The following SEMA3C variants were observed in gnomAD, a reference collection of about 807,000 sequenced individuals.
The protein encoded by SEMA3C is semaphorin-3C.
A neutral mutation model predicts 89.4 loss-of-function variants in SEMA3C; 47 were observed. The observed-to-expected ratio is 0.53, with a 90% CI of 0.42 to 0.67. SEMA3C has a LOEUF of 0.67. Among genes scored for constraint, SEMA3C ranks in the 30% least tolerant of loss-of-function variants. The probability of loss-of-function intolerance (pLI) is 0.00; values close to 1 mark genes in which losing one functional copy is unlikely to be tolerated. For synonymous variants in SEMA3C, 310 were observed against 320.2 expected, an observed-to-expected ratio of 0.97 and a Z score of 0.34; for missense variants, 839 against 929.1, an observed-to-expected ratio of 0.90 and a Z score of 1.26.
In SEMA3C at chr7:80,744,636, A is replaced by C; in HGVS notation, c.*258T>G. 2.1e-6 allele frequency: 1 copy of C among 478,466 alleles called. No homozygotes were observed. The highest frequency in any genetic ancestry group is 4.0e-5 in the East Asian group (1 of 24,962). 29.6% of individuals were successfully genotyped at this position (478,466 alleles called of 1,614,324 possible). A position where few individuals can be genotyped will look rare whatever the true frequency, so the allele number is the denominator to read the frequency against. ...CAGCCACCATATCGATTTTGAAGAA[A>C]AGGTGAATAAAGATATAAATAAAAT... On this transcript the variant is annotated 3_prime_UTR_variant, in exon 18 of 18. Transcript: ENST00000265361.
rs1787768814 is a variant in SEMA3C at position 80,745,064 on chromosome 7, C to T, written c.2086G>A (p.Ala696Thr). ...LPFHPKDIMG[A>T]FSHSEMQMIN... ...ATCTGCATTTCTGAGTGGCTGAATGCCCCCATGATGTCCTTCGGGTGGAAG... is the reference window on the plus strand; with the variant it reads ...ATCTGCATTTCTGAGTGGCTGAATGTCCCCATGATGTCCTTCGGGTGGAAG... The change falls in exon 18 of 18, where the codon GCA (alanine) becomes ACA (threonine). Residue 696 changes from alanine (A) to threonine (T), a missense_variant. Coordinates refer to ENST00000265361, the MANE Select transcript of SEMA3C (RefSeq NM_006379.5). 1 of 1,614,074 alleles carries T rather than the reference C, an allele frequency of 6.2e-7. No homozygotes were observed. The highest frequency in any genetic ancestry group is 8.5e-7 in the Non-Finnish European group (1 of 1,179,990).
chr7:80,818,417 T>C lies in SEMA3C; in HGVS notation c.329A>G (p.His110Arg). 2 of 1,612,744 alleles carry C rather than the reference T, an allele frequency of 1.2e-6. No individual in the cohort carries two copies. The highest frequency in any genetic ancestry group is 1.7e-6 in the Non-Finnish European group (2 of 1,178,982). The change falls in exon 5 of 18, where the codon CAC becomes CGC. Residue 110 changes from histidine (H) to arginine (R), a missense_variant and splice_region_variant. By Grantham distance (29) the His-to-Arg change is conservative (BLOSUM62 0). Coordinates refer to ENST00000265361, the MANE Select transcript of SEMA3C (RefSeq NM_006379.5). ...ECKMAGKDPTHGCGNFVRVIQ... is the reference protein window; with the variant it reads ...ECKMAGKDPTRGCGNFVRVIQ... ...TACACGGACAAAGTTCCCACAGCCG[T>C]GCTAAAAGAATCAGTAAATAAGCAG...
At chr7:80,863,816 T>TATGTATGTGATATGTG in intron 2 of SEMA3C, among the ~76,000 whole-genome samples, 1 of 119,316 alleles carries the variant, frequency 8.4e-6, no homozygotes, top group East Asian at 2.7e-4. Flanking sequence ...ATGTGATACA[T>TATGTATGTGATATGTG]ATATATGTGA....
rs1362943919 is a variant in SEMA3C at position 80,775,572 on chromosome 7, TAA to T, written c.1355-10331_1355-10330del. 7.9e-5 allele frequency among the ~76,000 whole-genome samples: 12 copies of T among 152,250 alleles called. No individual in the cohort carries two copies. The South Asian group carries it at 8.3e-4, about 11-fold the overall frequency. On this transcript the variant is annotated intron_variant, in intron 12 of 17. Coordinates refer to ENST00000265361, the MANE Select transcript of SEMA3C (RefSeq NM_006379.5). ...CTTTTATCTACAAATCTAAAAATCT[TAA>T]GTTTGTTTTCTTTTTTCTTAAATTT... is the stretch of plus-strand genomic sequence containing the variant.
chr7:80,752,785 C>A (rs1461915690), intron 15 of SEMA3C, among the ~76,000 whole-genome samples: 3 of 152,060 alleles, frequency 2.0e-5, no homozygotes, highest in Non-Finnish European at 4.4e-5. Flanking sequence ...ATCCTCTGAG[C>A]ATCACACATT....
intron 10 of SEMA3C, among the ~76,000 whole-genome samples, chr7:80,799,995 T>C (rs1233567518): frequency 6.7e-6 from 1 of 149,724 alleles, no homozygotes; most frequent in African/African-American, 2.5e-5. Context: ...CTACTAAAAA[T>C]ACAAAAAATT....
intron 2 of SEMA3C, among the ~76,000 whole-genome samples, chr7:80,861,380 G>A (rs1446206040): frequency 6.6e-6 from 1 of 152,042 alleles, no homozygotes; most frequent in Non-Finnish European, 1.5e-5. Context: ...TTAATAGCAT[G>A]ATATTACATA....
intron 2 of SEMA3C, among the ~76,000 whole-genome samples, chr7:80,857,045 T>C (rs1342759155): frequency 6.6e-5 from 10 of 152,200 alleles, no homozygotes; most frequent in Admixed American, 5.2e-4. Flanking sequence ...GACTGCATAA[T>C]GGGAGGACCA....
intron 6 of SEMA3C, among the ~76,000 whole-genome samples, chr7:80,806,775 T>C (rs1053988083): frequency 2.0e-5 from 3 of 152,182 alleles, no homozygotes; most frequent in Admixed American, 6.6e-5. Context: ...GCTGCGTTCC[T>C]TGACTGTTGT....
intron 16 of SEMA3C, among the ~76,000 whole-genome samples, chr7:80,749,730 G>C (rs890659152): frequency 6.6e-6 from 1 of 152,140 alleles, no homozygotes; most frequent in Non-Finnish European, 1.5e-5. Context: ...AAAACATGTA[G>C]TATTGCCAGG....
intron 6 of SEMA3C, among the ~76,000 whole-genome samples, chr7:80,805,968 T>C (rs1159708070): frequency 1.3e-5 from 2 of 152,036 alleles, no homozygotes; most frequent in African/African-American, 4.8e-5. Context: ...AATTACTATG[T>C]TTTTTAAAAA....
intron 12 of SEMA3C, among the ~76,000 whole-genome samples, chr7:80,772,629 A>G (rs1322654346): frequency 6.6e-6 from 1 of 151,986 alleles, no homozygotes; most frequent in Non-Finnish European, 1.5e-5. Context: ...TCTTCCCAAG[A>G]GTGTTGATGC....
chr7:80,749,268 A>G lies in SEMA3C; in HGVS notation c.1712-240T>C, dbSNP rs551799189. Among the ~76,000 whole-genome samples, 27 of 152,298 alleles carry G rather than the reference A, an allele frequency of 1.8e-4. 1 individual carries two copies. In the South Asian group the frequency reaches 5.2e-3, roughly 29 times the overall value. On this transcript the variant is annotated intron_variant, in intron 16 of 17. Transcript: ENST00000265361. ...TTAAGGCAATGTTGATAAGAAAATC[A>G]TGTTTATTCAAGAATTATTCCACAC...
intron 2 of SEMA3C, among the ~76,000 whole-genome samples, chr7:80,855,649 A>C (rs760165981): frequency 2.6e-5 from 4 of 152,142 alleles, no homozygotes; most frequent in Non-Finnish European, 5.9e-5. Flanking sequence ...CGGCAGAATC[A>C]GGGCTGGCTC....
At chr7:80,844,014 T>C (rs1334679954) in intron 2 of SEMA3C, among the ~76,000 whole-genome samples, 1 of 152,094 alleles carries the variant, frequency 6.6e-6, no homozygotes, top group African/African-American at 2.4e-5. Context: ...AGTTTTATTA[T>C]TTTCTCCATT....
At chr7:80,762,923 T>C (rs1168553178) in intron 13 of SEMA3C, among the ~76,000 whole-genome samples, 1 of 152,222 alleles carries the variant, frequency 6.6e-6, no homozygotes. Flanking sequence ...CCCCCGTTAT[T>C]TTGTTTTCTG....
upstream of SEMA3C, chr7:80,922,138 C>A: frequency 1.7e-6 from 1 of 601,214 alleles, no homozygotes; most frequent in Non-Finnish European, 2.5e-6. Flanking sequence ...TTACAATTTT[C>A]AATGAGAGAA....
At chr7:80,780,708 AC>A (rs1211058615) in intron 12 of SEMA3C, among the ~76,000 whole-genome samples, 1 of 151,910 alleles carries the variant, frequency 6.6e-6, no homozygotes, top group Non-Finnish European at 1.5e-5. Context: ...ACGTGCAGAA[AC>A]CCCATCTCTA....
At chr7:80,822,370 C>T (rs1475101971) in intron 4 of SEMA3C, among the ~76,000 whole-genome samples, 2 of 133,226 alleles carry the variant, frequency 1.5e-5, no homozygotes, top group African/African-American at 2.8e-5. Context: ...AAGGAAAGAA[C>T]ATTTCAGCAA....
Sources: allele counts gnomAD v4.1 joint callset (sites outside exome capture counted in the v4.1 genomes callset), GRCh38; gene constraint gnomAD v4.1.1; transcripts MANE v1.5; gene names NCBI Gene and HGNC (gene_info 2026-07-23, HGNC 2026-07-21).